Variants in PEAK1 observed in about 807,000 individuals in gnomAD.
PEAK1 encodes the protein pseudopodium enriched atypical kinase 1.
Under a neutral mutation model 124.7 loss-of-function variants are expected in PEAK1, and 54 were observed. The observed-to-expected ratio is 0.43, with a 90% CI of 0.35 to 0.54. PEAK1 has a LOEUF of 0.54. Among genes scored for constraint, PEAK1 ranks in the 20% least tolerant of loss-of-function variants. The pLI is 0.01. For missense variants in PEAK1, 2,046 were observed against 2,134.5 expected (o/e 0.96, Z 0.82); for synonymous variants, 719 against 760.0 (o/e 0.95, Z 0.89).
chr15:77,153,558 T>C (rs1220823681), intron 8 of PEAK1, among the ~76,000 whole-genome samples: 1 of 152,228 alleles, frequency 6.6e-6, no homozygotes, highest in Non-Finnish European at 1.5e-5. Flanking sequence ...GCTTTTCTAG[T>C]TCTCTTAATT....
intron 5 of PEAK1, among the ~76,000 whole-genome samples, chr15:77,259,796 A>T (rs1270174556): frequency 6.6e-6 from 1 of 152,160 alleles, no homozygotes; most frequent in Non-Finnish European, 1.5e-5. Flanking sequence ...GCCAGAAAGA[A>T]ATTTACCACT....
At chr15:77,104,571 T>C (rs1385511371), downstream of PEAK1, 1 of 151,798 alleles carries the variant, frequency 6.6e-6, no homozygotes, top group East Asian at 1.9e-4. Flanking sequence ...GCCTGGAGAG[T>C]GGAGCTGCTG....
At position 77,112,388 on chromosome 15, in the gene PEAK1, ACAGT is replaced by A. The variant is rs2051026937; in HGVS notation, c.*1764_*1767del. On this transcript the variant is annotated 3_prime_UTR_variant, in exon 10 of 10. Coordinates refer to ENST00000682557, the MANE Select transcript of PEAK1 (RefSeq NM_001385026.1). ...TAATGTGCTATGTAAGTAATACTGC[ACAGT>A]CAGTCTTGGCTTTAAGGAAACTCTG... is the stretch of plus-strand genomic sequence containing the variant. The A allele has an allele frequency of 6.6e-6, 1 of 152,248 alleles. No homozygotes were observed. Among genetic ancestry groups the A allele is most frequent in the Admixed American group, 6.5e-5 (1 of 15,290 alleles). 9.4% of individuals were successfully genotyped at this position (152,248 alleles called of 1,614,324 possible).
chr15:77,149,743 T>A (rs1261676786), intron 8 of PEAK1, among the ~76,000 whole-genome samples: 3 of 152,042 alleles, frequency 2.0e-5, no homozygotes, highest in Non-Finnish European at 4.4e-5. Flanking sequence ...GACAATATCT[T>A]ATTGGCATCA....
At chr15:77,263,729 G>GA (rs1183774728) in intron 5 of PEAK1, among the ~76,000 whole-genome samples, 1 of 152,160 alleles carries the variant, frequency 6.6e-6, no homozygotes, top group Non-Finnish European at 1.5e-5. Context: ...AATAGAAAAA[G>GA]AGGGAATCCT....
At chr15:77,163,718 A>T (rs1277147811) in intron 7 of PEAK1, among the ~76,000 whole-genome samples, 1 of 152,210 alleles carries the variant, frequency 6.6e-6, no homozygotes, top group Non-Finnish European at 1.5e-5. Flanking sequence ...TTCAGATGAG[A>T]CAATAAGTAA....
At position 77,332,327 on chromosome 15, in the gene PEAK1, C is replaced by T. The variant is rs1189721743; in HGVS notation, c.-603+32836G>A. The T allele has an allele frequency of 6.2e-6, 6 of 963,512 alleles. No individual in the cohort carries two copies. The South Asian group carries it at 1.5e-4, about 23-fold the overall frequency. 59.7% of individuals were successfully genotyped at this position (963,512 alleles called of 1,614,324 possible). A position where few individuals can be genotyped will look rare whatever the true frequency, so the allele number is the denominator to read the frequency against. The stretch of plus-strand genomic sequence containing the variant: ...TGTTGAAAAATTTTTTGGCCGGGTG[C>T]GGTGGCTCACACCTGTAATCCTAGC... On this transcript the variant is annotated intron_variant, in intron 2 of 9. Transcript: ENST00000682557.
chr15:77,310,701 T>C (rs991071869), intron 2 of PEAK1, among the ~76,000 whole-genome samples: 3 of 152,168 alleles, frequency 2.0e-5, no homozygotes, highest in Admixed American at 2.0e-4. Context: ...CTCTACTATA[T>C]AAGTTTATGC....
chr15:77,228,623 T>G (rs1405659300), intron 6 of PEAK1, among the ~76,000 whole-genome samples: 1 of 152,110 alleles, frequency 6.6e-6, no homozygotes, highest in Non-Finnish European at 1.5e-5. Flanking sequence ...AGAGGATGGG[T>G]AGGTCCCAGG....
At chr15:77,130,199 T>C (rs887590125) in intron 9 of PEAK1, among the ~76,000 whole-genome samples, 4 of 152,212 alleles carry the variant, frequency 2.6e-5, no homozygotes, top group African/African-American at 9.6e-5. Context: ...CTCAACTGTT[T>C]TGAAAGAACA....
rs2051266805 is a variant in PEAK1 at position 77,115,333 on chromosome 15, A to T, written c.4078-14T>A. 1.3e-6 allele frequency: 2 copies of T among 1,595,598 alleles called. No individual in the cohort carries two copies. Among genetic ancestry groups the T allele is most frequent in the African/African-American group, 2.7e-5 (2 of 74,392 alleles). ...GCTCTTACAGATCTGAAAGATAATA[A>T]AACAATTCAAAACTCACACTCTCAT... On this transcript the variant is annotated splice_polypyrimidine_tract_variant and intron_variant, in intron 9 of 9. Transcript: ENST00000682557.
chr15:77,155,050 C>G (rs935569439), intron 8 of PEAK1: 19 of 152,266 alleles, frequency 1.2e-4, no homozygotes, highest in Admixed American at 6.5e-4. Context: ...GATTGGGGAA[C>G]TTCTCCTGGA....
intron 1 of PEAK1, among the ~76,000 whole-genome samples, chr15:77,394,972 GTATA>G (rs1469028229): frequency 6.6e-6 from 1 of 152,126 alleles, no homozygotes; most frequent in African/African-American, 2.4e-5. Flanking sequence ...CCCCATTAAT[GTATA>G]TAACTCCTAT....
chr15:77,384,012 C>T (rs1453072776), intron 1 of PEAK1, among the ~76,000 whole-genome samples: 1 of 152,078 alleles, frequency 6.6e-6, no homozygotes, highest in African/African-American at 2.4e-5. Context: ...TAAACTCTAA[C>T]AAAATGATTT....
chr15:77,192,654 G>A (rs1276843955), intron 6 of PEAK1, among the ~76,000 whole-genome samples: 2 of 152,138 alleles, frequency 1.3e-5, no homozygotes, highest in Admixed American at 1.3e-4. Context: ...AAGAGGTGCT[G>A]GGCCCCTGGC....
intron 2 of PEAK1, among the ~76,000 whole-genome samples, chr15:77,313,702 A>ATATG (rs1555478133): frequency 0.11 from 12,439 of 117,490 alleles, 939 homozygotes; most frequent in Middle Eastern, 0.17. Context: ...GTATATATAT[A>ATATG]TATGTATGTG....
intron 1 of PEAK1, chr15:77,403,864 C>T (rs144404692): frequency 0.022 from 21,369 of 983,920 alleles, 292 homozygotes; most frequent in Non-Finnish European, 0.024. Flanking sequence ...ATATTTATTA[C>T]AATGCCACAA....
chr15:77,288,241 C>A (rs1176762254), intron 2 of PEAK1, among the ~76,000 whole-genome samples: 1 of 152,180 alleles, frequency 6.6e-6, no homozygotes, highest in East Asian at 1.9e-4. Flanking sequence ...CCTATCTCTT[C>A]AACTTTATTT....
At chr15:77,228,704 A>T (rs2059783556) in intron 6 of PEAK1, among the ~76,000 whole-genome samples, 1 of 152,182 alleles carries the variant, frequency 6.6e-6, no homozygotes, top group East Asian at 1.9e-4. Context: ...TAAAAAAATT[A>T]AAAACTATAC....
Sources: allele counts gnomAD v4.1 joint callset (sites outside exome capture counted in the v4.1 genomes callset), GRCh38; gene constraint gnomAD v4.1.1; transcripts MANE v1.5; gene names NCBI Gene and HGNC (gene_info 2026-07-23, HGNC 2026-07-21).